ARHGEF38: variants seen among roughly 807,000 people sequenced by gnomAD.
ARHGEF38 encodes the protein Rho guanine nucleotide exchange factor 38.
A neutral mutation model predicts 79.9 loss-of-function variants in ARHGEF38; 79 were observed. The observed-to-expected ratio is 0.99, with a 90% CI of 0.82 to 1.19. ARHGEF38 has a LOEUF of 1.19. ARHGEF38 is among the 50% of genes most tolerant of loss of function. The pLI is 0.00. For missense variants in ARHGEF38, 962 were observed against 907.2 expected (o/e 1.06, Z -0.78); for synonymous variants, 366 against 328.3 (o/e 1.11, Z -1.24).
chr4:105,619,672 T>C (rs189167895), intron 3 of ARHGEF38, among the ~76,000 whole-genome samples: 17 of 152,058 alleles, frequency 1.1e-4, no homozygotes, highest in Admixed American at 9.8e-4. Flanking sequence ...AAATGAGAAA[T>C]AGGGTAAAGG....
chr4:105,613,437 G>C lies in ARHGEF38; in HGVS notation c.438G>C (p.Gln146His). The C allele has an allele frequency of 6.2e-7, 1 of 1,613,420 alleles. No homozygotes were observed. Among genetic ancestry groups the C allele is most frequent in the South Asian group, 1.1e-5 (1 of 91,024 alleles). Residue 146 changes from glutamine (Q) to histidine (H), a missense_variant, in exon 3 of 14, where the codon CAG (glutamine) becomes CAC (histidine). Coordinates refer to ENST00000420470, the MANE Select transcript of ARHGEF38 (RefSeq NM_001242729.2). The stretch of plus-strand genomic sequence containing the variant: ...TTAGCAACATTGAGTCCGTGCATCA[G>C]ATATCAGCCAAGCTGCTGTCATTGT... ...SLFSNIESVH[Q>H]ISAKLLSLLE... is the part of the protein sequence containing the mutation.
chr4:105,668,457 A>G (rs1254200170), intron 13 of ARHGEF38, among the ~76,000 whole-genome samples: 2 of 152,170 alleles, frequency 1.3e-5, no homozygotes, highest in Non-Finnish European at 2.9e-5. Context: ...TGCAAAAGCT[A>G]CTGGTACAAT....
At chr4:105,654,549 A>G (rs1730245472) in intron 8 of ARHGEF38, among the ~76,000 whole-genome samples, 1 of 152,222 alleles carries the variant, frequency 6.6e-6, no homozygotes, top group Admixed American at 6.5e-5. Context: ...AATAAGTATA[A>G]AAATCAATAT....
intron 3 of ARHGEF38, among the ~76,000 whole-genome samples, chr4:105,624,758 C>G (rs929386912): frequency 6.6e-6 from 1 of 152,216 alleles, no homozygotes; most frequent in Non-Finnish European, 1.5e-5. Flanking sequence ...TTAGTCATGG[C>G]AGCTGGGCTC....
Position 105,678,025 on chromosome 4 carries a change from C to A in ARHGEF38, c.*88C>A. On this transcript the variant is annotated 3_prime_UTR_variant, in exon 14 of 14. Transcript: ENST00000420470. ...CATTACAAAACTTTGGACCAGAAAGCAAGAAACCTCTGAACTACAGAAACT... is the reference window on the plus strand; with the variant it reads ...CATTACAAAACTTTGGACCAGAAAGAAAGAAACCTCTGAACTACAGAAACT... The A allele has an allele frequency of 8.6e-7, 1 of 1,161,646 alleles. No homozygotes were observed. Among genetic ancestry groups the A allele is most frequent in the Non-Finnish European group, 1.2e-6 (1 of 856,188 alleles). 72.0% of individuals were successfully genotyped at this position (1,161,646 alleles called of 1,614,324 possible). A position where few individuals can be genotyped will look rare whatever the true frequency, so the allele number is the denominator to read the frequency against.
Position 105,674,920 on chromosome 4 carries a change from T to C in ARHGEF38, c.2149-2832T>C, listed in dbSNP as rs754547783. ...CAATCTAACCTGCTAAAAAAATCTA[T>C]AGTTGCATAGGTAAAGCATTACCTA... On this transcript the variant is annotated intron_variant, in intron 13 of 13. Transcript: ENST00000420470. 9.9e-5 allele frequency among the ~76,000 whole-genome samples: 15 copies of C among 152,238 alleles called. No individual in the cohort carries two copies. In the South Asian group the frequency reaches 1.2e-3, roughly 13 times the overall value.
chr4:105,585,897 AATGTTGT>A (rs1329139838), intron 1 of ARHGEF38, among the ~76,000 whole-genome samples: 1 of 151,628 alleles, frequency 6.6e-6, no homozygotes, highest in African/African-American at 2.4e-5. Context: ...ACACCCGGCT[AATGTTGT>A]ATTTTTAGTA....
chr4:105,583,712 A>AT (rs1029992445), intron 1 of ARHGEF38, among the ~76,000 whole-genome samples: 36 of 150,780 alleles, frequency 2.4e-4, no homozygotes, highest in Admixed American at 6.0e-4. Flanking sequence ...AAGGAAAGGA[A>AT]TTTTTTTTTT....
chr4:105,607,414 G>A (rs1425843012), intron 2 of ARHGEF38, among the ~76,000 whole-genome samples: 3 of 152,068 alleles, frequency 2.0e-5, no homozygotes, highest in African/African-American at 7.2e-5. Context: ...AATAGATCAT[G>A]TGCATTGTAC....
chr4:105,606,637 T>A (rs545560645), intron 2 of ARHGEF38, among the ~76,000 whole-genome samples: 1 of 152,118 alleles, frequency 6.6e-6, no homozygotes, highest in South Asian at 2.1e-4. Context: ...GTGATCTATC[T>A]AGATTTCAAA....
intron 2 of ARHGEF38, among the ~76,000 whole-genome samples, chr4:105,590,127 G>A (rs1266869274): frequency 7.1e-6 from 1 of 141,186 alleles, no homozygotes; most frequent in Admixed American, 6.9e-5. Flanking sequence ...AGGAAGGAAG[G>A]AAAGAAAGAA....
Position 105,587,512 on chromosome 4 carries a change from G to A in ARHGEF38, c.197-1736G>A, listed in dbSNP as rs566703292. ...GTCTCATTCTCTCGCCCAGGCTGGA[G>A]TGCAGTGGCACGATCTCGGCTCACT... On this transcript the variant is annotated intron_variant, in intron 1 of 13. Coordinates refer to ENST00000420470, the MANE Select transcript of ARHGEF38 (RefSeq NM_001242729.2). Among the ~76,000 whole-genome samples, 5 of 152,196 alleles carry A rather than the reference G, an allele frequency of 3.3e-5. No individual in the cohort carries two copies. In the East Asian group the frequency reaches 9.7e-4, roughly 29 times the overall value.
At chr4:105,592,514 G>A (rs956772066) in intron 2 of ARHGEF38, among the ~76,000 whole-genome samples, 5 of 151,000 alleles carry the variant, frequency 3.3e-5, no homozygotes, top group Admixed American at 6.6e-5. Flanking sequence ...CATTATAATC[G>A]CTCCTTGCAC....
downstream of ARHGEF38, chr4:105,680,914 AT>A (rs1731289316): frequency 6.6e-6 from 1 of 152,100 alleles, no homozygotes; most frequent in Admixed American, 6.6e-5. Context: ...TACTGCTTTC[AT>A]TTTTTGTAGG....
rs181498635 is a variant in ARHGEF38 at position 105,611,327 on chromosome 4, T to A, written c.385-2057T>A. ...TTTTAAGAAATATACAATCAGTAAA[T>A]TTGAACTAAACCAATTTATAAAACT... On this transcript the variant is annotated intron_variant, in intron 2 of 13. Coordinates refer to ENST00000420470, the MANE Select transcript of ARHGEF38 (RefSeq NM_001242729.2). 1.3e-3 allele frequency among the ~76,000 whole-genome samples: 203 copies of A among 152,178 alleles called. 1 individual carries two copies. Among genetic ancestry groups the A allele is most frequent in the Non-Finnish European group, 2.4e-3 (160 of 67,966 alleles).
intron 4 of ARHGEF38, among the ~76,000 whole-genome samples, chr4:105,634,910 C>T (rs1032118050): frequency 1.3e-5 from 2 of 152,156 alleles, no homozygotes; most frequent in African/African-American, 4.8e-5. Flanking sequence ...AAGCTAAAAG[C>T]TCATGCAATG....
chr4:105,679,776 C>A lies in ARHGEF38; in HGVS notation c.*1839C>A. On this transcript the variant is annotated 3_prime_UTR_variant, in exon 14 of 14. Coordinates refer to ENST00000420470, the MANE Select transcript of ARHGEF38 (RefSeq NM_001242729.2). ...CTTGGTTGATAAAAACATATACAAA[C>A]CCCTGTCTGTCCAGCTTTACCCACG... is the stretch of plus-strand genomic sequence containing the variant. The A allele has an allele frequency of 6.2e-6, 6 of 971,110 alleles. No individual in the cohort carries two copies. The highest frequency in any genetic ancestry group is 3.5e-5 in the Admixed American group (2 of 57,234). The allele number at this position is 971,110 out of a possible 1,614,324, so 60.2% of individuals were successfully genotyped here. A position where few individuals can be genotyped will look rare whatever the true frequency, so the allele number is the denominator to read the frequency against.
At chr4:105,562,293 T>C (rs902147718) in intron 1 of ARHGEF38, among the ~76,000 whole-genome samples, 4 of 152,200 alleles carry the variant, frequency 2.6e-5, no homozygotes, top group Middle Eastern at 3.2e-3. Flanking sequence ...GTCATTTGAA[T>C]ATAATTCTCC....
rs529033272 is a variant in ARHGEF38 at position 105,598,360 on chromosome 4, A to G, written c.384+8925A>G. On this transcript the variant is annotated intron_variant, in intron 2 of 13. Coordinates refer to ENST00000420470, the MANE Select transcript of ARHGEF38 (RefSeq NM_001242729.2). ...ATAATTCCAAAGTAAAAGATGCCCT[A>G]AAAGCCAGAGAAAAACAGGGATTTT... 5.1e-4 allele frequency among the ~76,000 whole-genome samples: 77 copies of G among 152,310 alleles called. 1 individual carries two copies. The South Asian group carries it at 0.015, about 29-fold the overall frequency.
Sources: allele counts gnomAD v4.1 joint callset (sites outside exome capture counted in the v4.1 genomes callset), GRCh38; gene constraint gnomAD v4.1.1; transcripts MANE v1.5; gene names NCBI Gene and HGNC (gene_info 2026-07-23, HGNC 2026-07-21).